Variants in DRD1 observed in about 807,000 individuals in gnomAD.
DRD1 encodes dopamine receptor D1, also known as D(1A) dopamine receptor.
In DRD1, 2 loss-of-function variants were observed where a neutral mutation model predicts 23.8. The ratio of observed to expected loss-of-function variants is 0.08; its 90% confidence interval spans 0.03 to 0.26. The LOEUF (loss-of-function observed/expected upper bound fraction) is 0.26, where lower values mean the gene tolerates loss of function less well. Ranked by LOEUF, DRD1 falls within the 10% of genes least tolerant of loss-of-function variation. DRD1 has a pLI of 1.00. For missense variants in DRD1, 376 were observed against 559.0 expected (o/e 0.67, Z 3.30); for synonymous variants, 218 against 225.7 (o/e 0.97, Z 0.30).
In DRD1 at chr5:175,443,901, C is replaced by G. The variant is rs1758568444; in HGVS notation, c.-686G>C. On this transcript the variant is annotated 5_prime_UTR_variant, in exon 1 of 2. Transcript: ENST00000393752. ...CAGGTCCCAAGAGAGGCGGCGGCAG[C>G]CCACTTCCTTGAAGAGCTGGAGATT... is the stretch of plus-strand genomic sequence containing the variant. The G allele has an allele frequency of 6.5e-6, 1 of 153,264 alleles. No individual in the cohort carries two copies. The highest frequency in any genetic ancestry group is 1.5e-5 in the Non-Finnish European group (1 of 68,914). The allele number at this position is 153,264 out of a possible 1,614,324, so 9.5% of individuals were successfully genotyped here.
chr5:175,441,564 TTTGA>T lies in DRD1; in HGVS notation c.*191_*194del. On this transcript the variant is annotated 3_prime_UTR_variant, in exon 2 of 2. Transcript: ENST00000393752. ...GCTCCCCATGTTTGTAGTGTCCCTG[TTTGA>T]TTGACTATGAACAACACAGAAAATA... is the stretch of plus-strand genomic sequence containing the variant. 1 of 606,580 alleles carries T rather than the reference TTTGA, an allele frequency of 1.6e-6. No homozygotes were observed. Among genetic ancestry groups the T allele is most frequent in the Non-Finnish European group, 2.6e-6 (1 of 379,080 alleles). The allele number at this position is 606,580 out of a possible 1,614,324, so 37.6% of individuals were successfully genotyped here.
Position 175,441,692 on chromosome 5 carries a change from A to G in DRD1, c.*67T>C. ...TCTCACCGTACCTTAGTTTCTTAAT[A>G]GCAAGCCCCAGAGCAATCTCCTCTA... On this transcript the variant is annotated 3_prime_UTR_variant, in exon 2 of 2. Transcript: ENST00000393752. 3 of 1,500,910 alleles carry G rather than the reference A, an allele frequency of 2.0e-6. No homozygotes were observed. Among genetic ancestry groups the G allele is most frequent in the Non-Finnish European group, 2.7e-6 (3 of 1,130,842 alleles). 93.0% of individuals were successfully genotyped at this position (1,500,910 alleles called of 1,614,324 possible).
At position 175,440,479 on chromosome 5, in the gene DRD1, A is replaced by G. The variant is rs992958409; in HGVS notation, c.*1280T>C. ...GGCACTATTCGTTAGTTAGTATACC[A>G]TTAACATTTAAAGACTCCTTTAAAA... On this transcript the variant is annotated 3_prime_UTR_variant, in exon 2 of 2. Coordinates refer to ENST00000393752, the MANE Select transcript of DRD1 (RefSeq NM_000794.5). 1 of 152,574 alleles carries G rather than the reference A, an allele frequency of 6.6e-6. No individual in the cohort carries two copies. The highest frequency in any genetic ancestry group is 6.5e-5 in the Admixed American group (1 of 15,288). 9.5% of individuals were successfully genotyped at this position (152,574 alleles called of 1,614,324 possible).
rs1457310882 is a variant in DRD1, at chr5:175,440,218, AAC to A, written c.*1539_*1540del. The A allele has an allele frequency of 1.3e-5, 2 of 152,182 alleles. No homozygotes were observed. Among genetic ancestry groups the A allele is most frequent in the African/African-American group, 4.8e-5 (2 of 41,422 alleles). The allele number at this position is 152,182 out of a possible 1,614,324, so 9.4% of individuals were successfully genotyped here. ...TGCTTATCAAGAAGAATACGTTGTA[AAC>A]ATTTCAAAGAAACTCTGTTGAAATG... On this transcript the variant is annotated 3_prime_UTR_variant, in exon 2 of 2. Transcript: ENST00000393752.
Position 175,444,045 on chromosome 5 carries a change from C to G in DRD1, c.-830G>C, listed in dbSNP as rs918276754. The G allele has an allele frequency of 6.6e-6, 1 of 152,596 alleles. No individual in the cohort carries two copies. The highest frequency in any genetic ancestry group is 2.4e-5 in the African/African-American group (1 of 41,478). 9.5% of individuals were successfully genotyped at this position (152,596 alleles called of 1,614,324 possible). A position where few individuals can be genotyped will look rare whatever the true frequency, so the allele number is the denominator to read the frequency against. ...CTTTTCTTGGCTTCCTTTCGAGAGC[C>G]CAGAGCCTTGGCGAACCTCGGGCGG... On this transcript the variant is annotated 5_prime_UTR_variant, in exon 1 of 2. Coordinates refer to ENST00000393752, the MANE Select transcript of DRD1 (RefSeq NM_000794.5).
rs1758543525 is a variant in DRD1 at position 175,442,588 on chromosome 5, G to A, written c.512C>T (p.Pro171Leu). 1 of 1,614,046 alleles carries A rather than the reference G, an allele frequency of 6.2e-7. No individual in the cohort carries two copies. The highest frequency in any genetic ancestry group is 1.1e-5 in the South Asian group (1 of 91,084). ...CAGGGAAGTGGCATTTCCATCAGAG[G>A]GGCTTGTGGGTTTTGCCTTGTGCCA... ...LSWHKAKPTSPSDGNATSLAE... is the reference protein window; with the variant it reads ...LSWHKAKPTSLSDGNATSLAE... Residue 171 changes from proline (P) to leucine (L), a missense_variant, in exon 2 of 2, where the codon CCC becomes CTC. By Grantham distance (98) the Pro-to-Leu change is moderately conservative (BLOSUM62 -3). Transcript: ENST00000393752. This position sits in a 1 kb window ranked among gnomAD's most constrained non-coding sequence, Gnocchi z 7.3.
Position 175,443,250 on chromosome 5 carries a change from C to T in DRD1, c.-151G>A. ...CTGGCAGAGGGCCTCACCAACATTC[C>T]ATGAGAGGACCGCTTGAGTGGCAAT... On this transcript the variant is annotated 5_prime_UTR_variant, in exon 2 of 2. The change abolishes an upstream ATG in the 5' untranslated region. Transcript: ENST00000393752. The T allele has an allele frequency of 1.0e-6, 1 of 987,388 alleles. No individual in the cohort carries two copies. Among genetic ancestry groups the T allele is most frequent in the Non-Finnish European group, 1.5e-6 (1 of 672,292 alleles). 61.2% of individuals were successfully genotyped at this position (987,388 alleles called of 1,614,324 possible).
In DRD1 at chr5:175,442,564, A is replaced by T; in HGVS notation, c.536T>A (p.Leu179Gln). Reference protein sequence around the residue: ...TSPSDGNATSLAETIDNCDSS... With the variant: ...TSPSDGNATSQAETIDNCDSS... Reference sequence around the variant, plus strand: ...GTCACAGTTGTCTATGGTCTCAGCCAGGGAAGTGGCATTTCCATCAGAGGG... The same window carrying T: ...GTCACAGTTGTCTATGGTCTCAGCCTGGGAAGTGGCATTTCCATCAGAGGG... The change falls in exon 2 of 2, where the codon CTG becomes CAG. Residue 179 changes from leucine to glutamine, a missense_variant. This residue lies in a region of DRD1 where 121 missense variants were observed against 239.4 expected (regional missense o/e 0.51). Transcript: ENST00000393752. The surrounding 1 kb of genome is among the most constrained non-coding windows in gnomAD (Gnocchi z 7.3). 6.2e-7 allele frequency: 1 copy of T among 1,614,202 alleles called. No homozygotes were observed. Among genetic ancestry groups the T allele is most frequent in the East Asian group, 2.2e-5 (1 of 44,878 alleles).
rs1422712826 is a variant in DRD1, at chr5:175,441,826, T to C, written c.1274A>G (p.Asp425Gly). 6.2e-7 allele frequency: 1 copy of C among 1,612,988 alleles called. No homozygotes were observed. Among genetic ancestry groups the C allele is most frequent in the Non-Finnish European group, 8.5e-7 (1 of 1,179,488 alleles). ...CTCCAGAGAGACGTCAGTGTCATAG[T>C]CCAATATGACTGATAGGGCTGGGGA... ...KLSPALSVIL[D>G]YDTDVSLEKI... is the part of the protein sequence containing the mutation. Residue 425 changes from aspartate (D) to glycine (G), a missense_variant, in exon 2 of 2, where the codon GAC becomes GGC. Asp to Gly is a moderately conservative substitution (Grantham distance 94). Coordinates refer to ENST00000393752, the MANE Select transcript of DRD1 (RefSeq NM_000794.5).
Position 175,442,251 on chromosome 5 carries a change from G to A in DRD1, c.849C>T (p.Cys283=). 2 of 1,614,102 alleles carry A rather than the reference G, an allele frequency of 1.2e-6. No individual in the cohort carries two copies. Among genetic ancestry groups the A allele is most frequent in the Non-Finnish European group, 1.7e-6 (2 of 1,180,022 alleles). The change falls in exon 2 of 2, where the codon TGC becomes TGT. Residue 283 remains cysteine (C), a synonymous_variant. Transcript: ENST00000393752. This position sits in a 1 kb window ranked among gnomAD's most constrained non-coding sequence, Gnocchi z 7.3. ...TLSVIMGVFV[C]CWLPFFILNC... ...TCAAGATGAAGAAAGGTAGCCAACA[G>A]CACACAAACACACCCATGATCACCG...
chr5:175,443,898 CA>C lies in DRD1; in HGVS notation c.-684del, dbSNP rs1758568365. 1 of 153,222 alleles carries C rather than the reference CA, an allele frequency of 6.5e-6. No individual in the cohort carries two copies. Among genetic ancestry groups the C allele is most frequent in the Non-Finnish European group, 1.5e-5 (1 of 68,908 alleles). 9.5% of individuals were successfully genotyped at this position (153,222 alleles called of 1,614,324 possible). On this transcript the variant is annotated 5_prime_UTR_variant, in exon 1 of 2. Transcript: ENST00000393752. Reference sequence around the variant, plus strand: ...GGCCAGGTCCCAAGAGAGGCGGCGGCAGCCCACTTCCTTGAAGAGCTGGAGA... The same window carrying C: ...GGCCAGGTCCCAAGAGAGGCGGCGGCGCCCACTTCCTTGAAGAGCTGGAGA...
Position 175,442,144 on chromosome 5 carries a change from A to C in DRD1, c.956T>G (p.Phe319Cys). ...DSNTFDVFVW[F>C]GWANSSLNPI... Reference sequence around the variant, plus strand: ...GTTCAAGGATGAATTAGCCCACCCAAACCACACAAACACGTCAAAGGTGTT... The same window carrying C: ...GTTCAAGGATGAATTAGCCCACCCACACCACACAAACACGTCAAAGGTGTT... The change falls in exon 2 of 2, where the codon TTT (phenylalanine) becomes TGT (cysteine). Residue 319 changes from phenylalanine (F) to cysteine (C), a missense_variant. Phe to Cys is a radical substitution (Grantham distance 205). This residue lies in a region of DRD1 where 47 missense variants were observed against 106.7 expected (regional missense o/e 0.44). Transcript: ENST00000393752. The surrounding 1 kb of genome is among the most constrained non-coding windows in gnomAD (Gnocchi z 7.3). The C allele has an allele frequency of 6.2e-7, 1 of 1,614,210 alleles. No homozygotes were observed. The highest frequency in any genetic ancestry group is 8.5e-7 in the Non-Finnish European group (1 of 1,180,052).
At position 175,442,800 on chromosome 5, in the gene DRD1, C is replaced by T. The variant is rs745456137; in HGVS notation, c.300G>A (p.Val100=). ...CAGTGGAGCACATGATGTCAAAGGC[C>T]ACCCAGATGTTACAGAAGGACCCAA... ...WPFGSFCNIW[V]AFDIMCSTAS... The change falls in exon 2 of 2, where the codon GTG becomes GTA. Residue 100 remains valine (V), a synonymous_variant. Transcript: ENST00000393752. The surrounding 1 kb of genome is among the most constrained non-coding windows in gnomAD (Gnocchi z 7.3). 9.9e-5 allele frequency: 160 copies of T among 1,613,954 alleles called. 1 individual carries two copies. The Admixed American group carries it at 2.7e-3, about 27-fold the overall frequency.
Position 175,441,930 on chromosome 5 carries a change from C to A in DRD1, c.1170G>T (p.Leu390=). The change falls in exon 2 of 2, where the codon CTG becomes CTT. Residue 390 remains leucine, a synonymous_variant. Coordinates refer to ENST00000393752, the MANE Select transcript of DRD1 (RefSeq NM_000794.5). The part of the protein sequence containing the change: ...SISKECNLVY[L]IPHAVGSSED... ...CAGAGGAGCCCACAGCATGTGGGAT[C>A]AGGTAAACCAGATTGCACTCCTTGG... 6.2e-7 allele frequency: 1 copy of A among 1,614,084 alleles called. No individual in the cohort carries two copies. The highest frequency in any genetic ancestry group is 1.1e-5 in the South Asian group (1 of 91,080).
rs574934486 is a variant in DRD1 at position 175,441,860 on chromosome 5, C to T, written c.1240G>A (p.Glu414Lys). ...ACTGATAGGGCTGGGGACAGCTTCT[C>T]CAAGGGTCTGGCGATGCCAGCTGCC... ...EEAAGIARPL[E>K]KLSPALSVIL... is the part of the protein sequence containing the mutation. Residue 414 changes from glutamate (E) to lysine (K), a missense_variant, in exon 2 of 2, where the codon GAG (glutamate) becomes AAG (lysine). By Grantham distance (56) the Glu-to-Lys change is moderately conservative. Coordinates refer to ENST00000393752, the MANE Select transcript of DRD1 (RefSeq NM_000794.5). 7.4e-6 allele frequency: 12 copies of T among 1,614,120 alleles called. No homozygotes were observed. The highest frequency in any genetic ancestry group is 5.0e-5 in the Admixed American group (3 of 60,022).
rs992484763 is a variant in DRD1, at chr5:175,444,002, T to G, written c.-787A>C. On this transcript the variant is annotated 5_prime_UTR_variant, in exon 1 of 2. Transcript: ENST00000393752. Reference sequence around the variant, plus strand: ...CCTTGGGAGAGAGCACTCCCAGGACTGGTCACCTGGGCAGCTTCTTTTCTT... The same window carrying G: ...CCTTGGGAGAGAGCACTCCCAGGACGGGTCACCTGGGCAGCTTCTTTTCTT... 3.3e-5 allele frequency: 5 copies of G among 152,578 alleles called. No individual in the cohort carries two copies. The highest frequency in any genetic ancestry group is 1.2e-4 in the African/African-American group (5 of 41,472). 9.5% of individuals were successfully genotyped at this position (152,578 alleles called of 1,614,324 possible). A position where few individuals can be genotyped will look rare whatever the true frequency, so the allele number is the denominator to read the frequency against.
Position 175,443,121 on chromosome 5 carries a change from A to G in DRD1, c.-22T>C, listed in dbSNP as rs187630543. The G allele has an allele frequency of 1.2e-6, 2 of 1,602,370 alleles. No individual in the cohort carries two copies. The highest frequency in any genetic ancestry group is 1.7e-5 in the Admixed American group (1 of 59,014). ...TCATCTTCCTAAGAGAAAGCACATC[A>G]GGGGCTCTGACACCCCTCAAGTTCC... On this transcript the variant is annotated 5_prime_UTR_variant, in exon 2 of 2. Transcript: ENST00000393752.
chr5:175,442,112 T>C lies in DRD1; in HGVS notation c.988A>G (p.Ile330Val). The change falls in exon 2 of 2, where the codon ATT (isoleucine) becomes GTT (valine). Residue 330 changes from isoleucine to valine, a missense_variant. Around this residue, in one of 5 missense-constraint regions of DRD1, gnomAD observed 47 missense variants for 106.7 expected, o/e 0.44. Coordinates refer to ENST00000393752, the MANE Select transcript of DRD1 (RefSeq NM_000794.5). The surrounding 1 kb of genome is among the most constrained non-coding windows in gnomAD (Gnocchi z 7.3). ...GWANSSLNPI[I>V]YAFNADFRKA... ...CGAAAATCAGCATTAAAGGCATAAA[T>C]GATGGGGTTCAAGGATGAATTAGCC... The C allele has an allele frequency of 6.2e-7, 1 of 1,614,124 alleles. No homozygotes were observed. Among genetic ancestry groups the C allele is most frequent in the South Asian group, 1.1e-5 (1 of 91,082 alleles).
Position 175,442,597 on chromosome 5 carries a change from G to C in DRD1, c.503C>G (p.Pro168Arg). 1 of 1,614,186 alleles carries C rather than the reference G, an allele frequency of 6.2e-7. No individual in the cohort carries two copies. Among genetic ancestry groups the C allele is most frequent in the Non-Finnish European group, 8.5e-7 (1 of 1,180,044 alleles). ...GGCATTTCCATCAGAGGGGCTTGTG[G>C]GTTTTGCCTTGTGCCAGCTGAGCTG... ...PVQLSWHKAK[P>R]TSPSDGNATS... The change falls in exon 2 of 2, where the codon CCC becomes CGC. Residue 168 changes from proline (P) to arginine (R), a missense_variant. Around this residue, in one of 5 missense-constraint regions of DRD1, gnomAD observed 121 missense variants for 239.4 expected, o/e 0.51. Transcript: ENST00000393752. The surrounding 1 kb of genome is among the most constrained non-coding windows in gnomAD (Gnocchi z 7.3).
Sources: allele counts gnomAD v4.1 joint callset, GRCh38; gene constraint gnomAD v4.1.1; regional missense constraint gnomAD v4.1.1; non-coding constraint Gnocchi (gnomAD v3.1); transcripts MANE v1.5; gene names NCBI Gene and HGNC (gene_info 2026-07-23, HGNC 2026-07-21).